DCLK1: variants seen among roughly 807,000 people sequenced by gnomAD.
DCLK1 encodes serine/threonine-protein kinase DCLK1.
Under a neutral mutation model 86.2 loss-of-function variants are expected in DCLK1, and 16 were observed. The observed-to-expected ratio is 0.19, with a 90% CI of 0.13 to 0.28. The LOEUF (loss-of-function observed/expected upper bound fraction) is 0.28, where lower values mean the gene tolerates loss of function less well. DCLK1 is among the 10% of genes least tolerant of loss of function. DCLK1 has a pLI of 1.00. For missense variants in DCLK1, 590 were observed against 940.2 expected, an observed-to-expected ratio of 0.63 and a Z score of 4.87; for synonymous variants, 369 against 370.5, an observed-to-expected ratio of 1.00 and a Z score of 0.05.
intron 3 of DCLK1, among the ~76,000 whole-genome samples, chr13:35,950,758 C>A (rs1480670621): frequency 6.6e-6 from 1 of 152,220 alleles, no homozygotes; most frequent in African/African-American, 2.4e-5. Flanking sequence ...GGAGAAGCAC[C>A]TTTCCAAGCT....
At chr13:35,826,825 CT>C (rs1477484268) in intron 10 of DCLK1, among the ~76,000 whole-genome samples, 1 of 152,130 alleles carries the variant, frequency 6.6e-6, no homozygotes, top group African/African-American at 2.4e-5. Flanking sequence ...GAGGCGCCCC[CT>C]GGCGGTGCTC....
At chr13:36,108,298 T>A (rs1031156545) in intron 3 of DCLK1, among the ~76,000 whole-genome samples, 1 of 152,240 alleles carries the variant, frequency 6.6e-6, no homozygotes, top group African/African-American at 2.4e-5. Flanking sequence ...AGGCTGCTTA[T>A]GAACCACAAC....
intron 6 of DCLK1, chr13:35,847,865 C>T (rs1339359466): frequency 2.0e-6 from 2 of 985,114 alleles, no homozygotes; most frequent in Non-Finnish European, 2.4e-6. Context: ...AATTCTATGG[C>T]AGTACAGAAA....
intron 3 of DCLK1, among the ~76,000 whole-genome samples, chr13:36,111,414 C>T (rs930515086): frequency 6.6e-6 from 1 of 152,136 alleles, no homozygotes; most frequent in Admixed American, 6.5e-5. Flanking sequence ...ATTTTAAAAT[C>T]TATAAAATGT....
chr13:35,921,984 C>CT (rs1336232095), intron 4 of DCLK1, among the ~76,000 whole-genome samples: 1 of 152,134 alleles, frequency 6.6e-6, no homozygotes, highest in Non-Finnish European at 1.5e-5. Flanking sequence ...AACATAGTGC[C>CT]TACTACCTTA....
chr13:36,107,236 G>C (rs1337409181), intron 3 of DCLK1, among the ~76,000 whole-genome samples: 1 of 151,280 alleles, frequency 6.6e-6, no homozygotes, highest in African/African-American at 2.4e-5. Flanking sequence ...ATCGAAATCA[G>C]TTTATGGCTA....
intron 10 of DCLK1, among the ~76,000 whole-genome samples, chr13:35,823,163 G>A (rs74044090): frequency 0.015 from 2,211 of 152,180 alleles, 49 homozygotes; most frequent in African/African-American, 0.051. Context: ...GCTAGGGGAC[G>A]AGGAGATGCA....
intron 4 of DCLK1, among the ~76,000 whole-genome samples, chr13:35,910,407 G>A (rs1279775612): frequency 6.6e-6 from 1 of 152,208 alleles, no homozygotes; most frequent in Admixed American, 6.5e-5. Context: ...CCAATCTTTT[G>A]TTGGGTCAAT....
At chr13:36,049,761 C>T (rs192420232) in intron 3 of DCLK1, among the ~76,000 whole-genome samples, 15 of 152,154 alleles carry the variant, frequency 9.9e-5, no homozygotes, top group Admixed American at 6.5e-4. Context: ...TAAGTCCTTA[C>T]CCTTATAAAA....
At position 35,854,652 on chromosome 13, in the gene DCLK1, A is replaced by G. The variant is rs531197940; in HGVS notation, c.941-59T>C. ...TGGCACGTTAAATAATTTTCATGAC[A>G]AATCATCTTCTGCAAGAAATAAACA... On this transcript the variant is annotated intron_variant, in intron 5 of 16. Coordinates refer to ENST00000360631, the MANE Select transcript of DCLK1 (RefSeq NM_001330071.2). The G allele has an allele frequency of 2.1e-4, 296 of 1,427,638 alleles. No homozygotes were observed. The African/African-American group carries it at 3.9e-3, about 19-fold the overall frequency. The allele number at this position is 1,427,638 out of a possible 1,614,324, so 88.4% of individuals were successfully genotyped here.
intron 4 of DCLK1, among the ~76,000 whole-genome samples, chr13:35,896,296 T>C (rs546637583): frequency 8.5e-5 from 13 of 152,226 alleles, no homozygotes; most frequent in African/African-American, 3.1e-4. Context: ...CCTAGCACTT[T>C]GGGAGGCCAA....
At chr13:35,867,877 G>GAGA (rs1871916651) in intron 5 of DCLK1, among the ~76,000 whole-genome samples, 5 of 93,098 alleles carry the variant, frequency 5.4e-5, no homozygotes, top group South Asian at 6.7e-4. Context: ...GAAAGAGAGA[G>GAGA]GGAGAGAGAG....
At chr13:35,988,143 C>A (rs139329081) in intron 3 of DCLK1, among the ~76,000 whole-genome samples, 154 of 152,350 alleles carry the variant, frequency 1.0e-3, no homozygotes, top group African/African-American at 3.5e-3. Flanking sequence ...TCCCTCCAAC[C>A]CTGAGTGGCT....
intron 3 of DCLK1, among the ~76,000 whole-genome samples, chr13:36,086,625 C>T (rs1380582374): frequency 6.6e-6 from 1 of 152,008 alleles, no homozygotes; most frequent in Non-Finnish European, 1.5e-5. Flanking sequence ...CTCCCCTCGC[C>T]CCTGCCCCTA....
chr13:35,935,041 C>T lies in DCLK1; in HGVS notation c.823+12317G>A, dbSNP rs1320436520. Among the ~76,000 whole-genome samples, 9 of 152,118 alleles carry T rather than the reference C, an allele frequency of 5.9e-5. No homozygotes were observed. In the East Asian group the frequency reaches 1.7e-3, roughly 29 times the overall value. On this transcript the variant is annotated intron_variant, in intron 4 of 16. Coordinates refer to ENST00000360631, the MANE Select transcript of DCLK1 (RefSeq NM_001330071.2). ...GCTTTACAAGGATGGTGATGTTTGA[C>T]TTGAACCTCAAAGGACAAGATGGAG...
chr13:35,792,733 C>T (rs1208964130), intron 16 of DCLK1, among the ~76,000 whole-genome samples: 1 of 152,140 alleles, frequency 6.6e-6, no homozygotes, highest in East Asian at 1.9e-4. Flanking sequence ...GATCAAATTG[C>T]ATGTAGTGTA....
intron 11 of DCLK1, among the ~76,000 whole-genome samples, chr13:35,820,763 T>G (rs1224723703): frequency 6.6e-6 from 1 of 152,072 alleles, no homozygotes; most frequent in African/African-American, 2.4e-5. Flanking sequence ...TTGATGGAGG[T>G]AACTATGCAG....
intron 4 of DCLK1, among the ~76,000 whole-genome samples, chr13:35,908,773 C>T (rs1874825469): frequency 1.3e-5 from 2 of 152,000 alleles, no homozygotes; most frequent in Admixed American, 6.6e-5. Context: ...GTAGCTGGAA[C>T]TACTGGCGCC....
chr13:35,840,852 C>G (rs539054972), intron 6 of DCLK1, among the ~76,000 whole-genome samples: 1 of 152,284 alleles, frequency 6.6e-6, no homozygotes, highest in Non-Finnish European at 1.5e-5. Context: ...TTTGTGAAAA[C>G]CTTGTGTTTA....
Sources: allele counts gnomAD v4.1 joint callset (sites outside exome capture counted in the v4.1 genomes callset), GRCh38; gene constraint gnomAD v4.1.1; transcripts MANE v1.5; gene names NCBI Gene and HGNC (gene_info 2026-07-23, HGNC 2026-07-21).